Variants in PCCA observed in about 807,000 individuals in gnomAD.
PCCA encodes propionyl-CoA carboxylase alpha chain, mitochondrial.
A neutral mutation model predicts 101.3 loss-of-function variants in PCCA; 74 were observed. The observed-to-expected ratio is 0.73, with a 90% CI of 0.61 to 0.89. The LOEUF is 0.89. Among genes scored for constraint, PCCA ranks in the 40% least tolerant of loss-of-function variants. The pLI is 0.00. For missense variants in PCCA, 891 were observed against 907.0 expected (o/e 0.98, Z 0.23); for synonymous variants, 294 against 313.6 (o/e 0.94, Z 0.66).
chr13:100,090,214 G>C (rs1277784056), intron 1 of PCCA, among the ~76,000 whole-genome samples: 1 of 152,190 alleles, frequency 6.6e-6, no homozygotes, highest in Admixed American at 6.5e-5. Flanking sequence ...TAAAGAGGAG[G>C]GAACCGAGCC....
At chr13:100,373,831 G>C (rs991008807) in intron 19 of PCCA, among the ~76,000 whole-genome samples, 3 of 152,166 alleles carry the variant, frequency 2.0e-5, no homozygotes, top group African/African-American at 7.2e-5. Context: ...GAGGGTTGTG[G>C]CCAGGTGCAG....
intron 19 of PCCA, among the ~76,000 whole-genome samples, chr13:100,417,386 T>C (rs1055334488): frequency 6.6e-6 from 1 of 152,210 alleles, no homozygotes; most frequent in Non-Finnish European, 1.5e-5. Context: ...CTCCATGTCT[T>C]TTTTGGAGTT....
intron 20 of PCCA, among the ~76,000 whole-genome samples, chr13:100,443,300 T>A (rs554047499): frequency 1.5e-4 from 23 of 152,090 alleles, no homozygotes; most frequent in Admixed American, 4.6e-4. Flanking sequence ...ATAATTTTTT[T>A]AAAAATTGGC....
intron 21 of PCCA, among the ~76,000 whole-genome samples, chr13:100,492,004 G>C (rs1019184345): frequency 5.9e-5 from 9 of 152,182 alleles, no homozygotes; most frequent in Admixed American, 5.2e-4. Context: ...AAGTTTTTTG[G>C]AATGTAGGGA....
intron 4 of PCCA, among the ~76,000 whole-genome samples, chr13:100,154,066 G>A (rs566522181): frequency 7.2e-5 from 11 of 151,968 alleles, no homozygotes; most frequent in African/African-American, 2.7e-4. Flanking sequence ...GTAGAAGGTG[G>A]GTCATAAATG....
intron 1 of PCCA, among the ~76,000 whole-genome samples, chr13:100,100,856 TGGCTCACTGCAACCTC>T (rs1396017031): frequency 1.3e-5 from 2 of 151,944 alleles, no homozygotes; most frequent in African/African-American, 2.4e-5. Flanking sequence ...GGTACAAACT[TGGCTCACTGCAACCTC>T]GGCTCACTGC....
chr13:100,253,313 T>A (rs960673689), intron 8 of PCCA, among the ~76,000 whole-genome samples: 1 of 152,214 alleles, frequency 6.6e-6, no homozygotes, highest in African/African-American at 2.4e-5. Flanking sequence ...GATGCATGTA[T>A]GTTTGTATAT....
intron 4 of PCCA, among the ~76,000 whole-genome samples, chr13:100,115,273 C>T (rs2048698383): frequency 6.6e-6 from 1 of 151,230 alleles, no homozygotes; most frequent in Non-Finnish European, 1.5e-5. Flanking sequence ...AGAGGCTTGG[C>T]AGGGTGTATG....
At chr13:100,468,198 T>A (rs2082689337) in intron 21 of PCCA, among the ~76,000 whole-genome samples, 1 of 152,196 alleles carries the variant, frequency 6.6e-6, no homozygotes, top group Non-Finnish European at 1.5e-5. Flanking sequence ...CCTAAACAGA[T>A]GTGCTGTCAT....
chr13:100,457,567 T>C (rs1216069728), intron 21 of PCCA, among the ~76,000 whole-genome samples: 1 of 152,222 alleles, frequency 6.6e-6, no homozygotes, highest in Non-Finnish European at 1.5e-5. Flanking sequence ...CCTGCACACA[T>C]AATGGGTTGC....
chr13:100,385,881 C>T (rs761340241), intron 19 of PCCA, among the ~76,000 whole-genome samples: 3 of 152,162 alleles, frequency 2.0e-5, no homozygotes, highest in Non-Finnish European at 4.4e-5. Flanking sequence ...CAAAGTGCTG[C>T]AATTATAGGC....
At chr13:100,195,081 T>C (rs1156820497) in intron 6 of PCCA, among the ~76,000 whole-genome samples, 1 of 152,144 alleles carries the variant, frequency 6.6e-6, no homozygotes. Flanking sequence ...TGAAAACAGC[T>C]CATTTTAAAT....
intron 1 of PCCA, among the ~76,000 whole-genome samples, chr13:100,094,096 C>T (rs963675319): frequency 1.1e-4 from 17 of 151,988 alleles, no homozygotes; most frequent in Non-Finnish European, 2.1e-4. Flanking sequence ...GGCATGGTGG[C>T]GCATGCCTGT....
chr13:100,352,794 T>C (rs1158754851), intron 18 of PCCA, among the ~76,000 whole-genome samples: 1 of 152,166 alleles, frequency 6.6e-6, no homozygotes, highest in Non-Finnish European at 1.5e-5. Flanking sequence ...CTCTAATTCC[T>C]GAGCTCATGT....
chr13:100,245,480 A>C (rs139098811), intron 8 of PCCA, among the ~76,000 whole-genome samples: 1 of 152,274 alleles, frequency 6.6e-6, no homozygotes, highest in Non-Finnish European at 1.5e-5. Flanking sequence ...GTTTTTCTTC[A>C]TTCTGTGTGT....
At chr13:100,342,332 C>T (rs139977609) in intron 18 of PCCA, among the ~76,000 whole-genome samples, 2 of 150,982 alleles carry the variant, frequency 1.3e-5, no homozygotes, top group Non-Finnish European at 3.0e-5. Context: ...GGTGCGATCT[C>T]GGCTCACTGC....
chr13:100,149,273 C>A (rs548509778), intron 4 of PCCA: 9 of 148,282 alleles, frequency 6.1e-5, no homozygotes, highest in Non-Finnish European at 1.2e-4. Context: ...AGACTCCCAA[C>A]AAGTTTATTA....
chr13:100,347,038 T>C (rs1319221009), intron 18 of PCCA, among the ~76,000 whole-genome samples: 1 of 152,074 alleles, frequency 6.6e-6, no homozygotes, highest in African/African-American at 2.4e-5. Context: ...CACACCCCAC[T>C]AATTTTTTTG....
chr13:100,166,765 T>A (rs1422644529), intron 6 of PCCA, among the ~76,000 whole-genome samples: 1 of 151,264 alleles, frequency 6.6e-6, no homozygotes, highest in Non-Finnish European at 1.5e-5. Context: ...TATGCTTTCA[T>A]TTTTTTTTGG....
Sources: allele counts gnomAD v4.1 joint callset (sites outside exome capture counted in the v4.1 genomes callset), GRCh38; gene constraint gnomAD v4.1.1; transcripts MANE v1.5; gene names NCBI Gene and HGNC (gene_info 2026-07-23, HGNC 2026-07-21).